The following NIPSNAP3B variants were observed in gnomAD, a reference collection of about 807,000 sequenced individuals.
NIPSNAP3B encodes nipsnap homolog 3B.
A neutral mutation model predicts 31.5 loss-of-function variants in NIPSNAP3B; 30 were observed. The ratio of observed to expected loss-of-function variants is 0.95; its 90% CI spans 0.71 to 1.29. The LOEUF (loss-of-function observed/expected upper bound fraction) is 1.29. Ranked by LOEUF, NIPSNAP3B falls within the 50% of genes most tolerant of loss-of-function variation. NIPSNAP3B has a pLI of 0.00. For missense variants in NIPSNAP3B, 269 were observed against 300.7 expected, an observed-to-expected ratio of 0.89 and a Z score of 0.78; for synonymous variants, 106 against 107.9, an observed-to-expected ratio of 0.98 and a Z score of 0.11.
chr9:104,770,784 G>A (rs1031614949), intron 3 of NIPSNAP3B, 65 bp from the exon 4 acceptor site: 12 of 1,483,172 alleles, frequency 8.1e-6, no homozygotes, highest in Non-Finnish European at 1.1e-5. Flanking sequence ...AATGAAATCA[G>A]GAAAACCTGG....
At chr9:104,770,723 G>A in intron 3 of NIPSNAP3B, 126 bp from the exon 4 acceptor site, 1 of 693,840 alleles carries the variant, frequency 1.4e-6, no homozygotes, top group Non-Finnish European at 2.5e-6. Flanking sequence ...AAATGTGACT[G>A]CATATGTATG....
chr9:104,777,892 G>C (rs1170059514), downstream of NIPSNAP3B, among the ~76,000 whole-genome samples: 1 of 152,148 alleles, frequency 6.6e-6, no homozygotes, highest in Non-Finnish European at 1.5e-5. Context: ...TCCTTGTCAT[G>C]CTGAAATGAC....
chr9:104,789,661 T>C, the NIPSNAP3B span, among the ~76,000 whole-genome samples: 2 of 152,222 alleles, frequency 1.3e-5, no homozygotes, highest in African/African-American at 4.8e-5. Flanking sequence ...CAGTAGGTAC[T>C]GCTTTATGAA....
the NIPSNAP3B span, chr9:104,784,591 CTGTG>C: frequency 2.9e-3 from 3,044 of 1,065,328 alleles, 10 homozygotes; most frequent in Non-Finnish European, 3.6e-3. Flanking sequence ...AACTAGAAAA[CTGTG>C]TGTGAAGGAG....
intron 1 of NIPSNAP3B, 52 bp downstream of exon 1, chr9:104,764,352 C>CG: frequency 6.9e-7 from 1 of 1,447,800 alleles, no homozygotes; most frequent in Non-Finnish European, 9.3e-7. Context: ...AGGGGAGGGG[C>CG]GGGGGGTATT....
chr9:104,784,746 C>T, the NIPSNAP3B span, among the ~76,000 whole-genome samples: 1 of 152,182 alleles, frequency 6.6e-6, no homozygotes, highest in Non-Finnish European at 1.5e-5. Flanking sequence ...TGGGTTCGAG[C>T]AATTCTCCTG....
At chr9:104,786,651 C>A in the NIPSNAP3B span, among the ~76,000 whole-genome samples, 1 of 152,008 alleles carries the variant, frequency 6.6e-6, no homozygotes, top group Admixed American at 6.6e-5. Flanking sequence ...GAAATGACAC[C>A]TAAATGCACT....
chr9:104,784,934 A>G, the NIPSNAP3B span, among the ~76,000 whole-genome samples: 35,001 of 151,908 alleles, frequency 0.23, 4,220 homozygotes, highest in South Asian at 0.32. Context: ...ATGAGCCACC[A>G]CGCCCGGCCA....
chr9:104,788,406 C>T, the NIPSNAP3B span: 4 of 1,614,062 alleles, frequency 2.5e-6, no homozygotes, highest in Non-Finnish European at 3.4e-6. Flanking sequence ...GACAGGCTGG[C>T]TTTCAGGTGC....
chr9:104,764,472 A>T (rs1828048946), intron 1 of NIPSNAP3B, among the ~76,000 whole-genome samples, 172 bp downstream of exon 1: 1 of 152,222 alleles, frequency 6.6e-6, no homozygotes, highest in African/African-American at 2.4e-5. Context: ...AGGAGGCTAC[A>T]GGCCGGGGTC....
At chr9:104,782,613 GTATT>G (rs1323398104), downstream of NIPSNAP3B, 1 of 152,146 alleles carries the variant, frequency 6.6e-6, no homozygotes, top group Non-Finnish European at 1.5e-5. Context: ...CCATATGGAA[GTATT>G]TGTTGTTTTT....
chr9:104,780,459 C>A (rs550046566), downstream of NIPSNAP3B, among the ~76,000 whole-genome samples: 1 of 152,312 alleles, frequency 6.6e-6, no homozygotes, highest in South Asian at 2.1e-4. Flanking sequence ...AATACATTTA[C>A]ATTTATCAGC....
Position 104,772,859 on chromosome 9 carries a change from T to C in NIPSNAP3B, c.618T>C (p.Arg206=), listed in dbSNP as rs755544582. ...GGTGGAATGAGAGTGCAGATAGTCG[T>C]GCAGCTGGGAGACATAAGTCCCATG... ...VLWWNESADS[R]AAGRHKSHED... is the part of the protein sequence containing the mutation. Residue 206 remains arginine (R), a synonymous_variant, in exon 5 of 6, where the codon CGT becomes CGC. Transcript: ENST00000374762. 3.7e-6 allele frequency: 6 copies of C among 1,613,630 alleles called. No individual in the cohort carries two copies. In the South Asian group the frequency reaches 6.6e-5, roughly 18 times the overall value.
Position 104,766,501 on chromosome 9 carries a change from C to T in NIPSNAP3B, c.237C>T (p.Gly79=). The part of the protein sequence containing the change: ...LVGFWSVEFG[G]RTNKVFHIWK... ...GATTCTGGAGTGTAGAATTTGGAGG[C>T]AGAACGAATAAAGTGTTTCATATTT... The change falls in exon 2 of 6, where the codon GGC becomes GGT. Residue 79 remains glycine, a synonymous_variant. Coordinates refer to ENST00000374762, the MANE Select transcript of NIPSNAP3B (RefSeq NM_018376.4). 1 of 1,613,554 alleles carries T rather than the reference C, an allele frequency of 6.2e-7. No homozygotes were observed. The highest frequency in any genetic ancestry group is 8.5e-7 in the Non-Finnish European group (1 of 1,179,656).
At chr9:104,785,886 T>C in the NIPSNAP3B span, among the ~76,000 whole-genome samples, 1 of 152,236 alleles carries the variant, frequency 6.6e-6, no homozygotes, top group East Asian at 1.9e-4. Flanking sequence ...TGACAGATGT[T>C]ACAGAGAAAC....
At chr9:104,764,342 A>AGGGGAGGGGC (rs1179521536) in intron 1 of NIPSNAP3B, 42 bp downstream of exon 1, 2 of 1,501,818 alleles carry the variant, frequency 1.3e-6, no homozygotes, top group East Asian at 2.4e-5. Flanking sequence ...GCCGGAGGGG[A>AGGGGAGGGGC]GGGGAGGGGC....
At chr9:104,788,172 C>T in the NIPSNAP3B span, 2 of 1,281,634 alleles carry the variant, frequency 1.6e-6, no homozygotes, top group Non-Finnish European at 2.3e-6. Flanking sequence ...TAATCATAAC[C>T]TGACAACTGG....
intron 2 of NIPSNAP3B, among the ~76,000 whole-genome samples, chr9:104,768,200 C>A (rs1346555051): frequency 6.6e-6 from 1 of 151,928 alleles, no homozygotes; most frequent in Non-Finnish European, 1.5e-5. Context: ...AATGTATATA[C>A]CTGTTTGGGT....
intron 4 of NIPSNAP3B, 105 bp from the exon 5 acceptor site, chr9:104,772,717 G>C (rs1175416486): frequency 1.5e-6 from 2 of 1,349,452 alleles, no homozygotes; most frequent in Non-Finnish European, 2.1e-6. Flanking sequence ...TTTACCTTTT[G>C]ATTTTGATTT....
Sources: allele counts gnomAD v4.1 joint callset (sites outside exome capture counted in the v4.1 genomes callset), GRCh38; gene constraint gnomAD v4.1.1; transcripts MANE v1.5; gene names NCBI Gene and HGNC (gene_info 2026-07-23, HGNC 2026-07-21).